KATNA1: variants seen among roughly 807,000 people sequenced by gnomAD.
The protein encoded by KATNA1 is katanin p60 ATPase-containing subunit A1.
Under a neutral mutation model 62.6 loss-of-function variants are expected in KATNA1, and 42 were observed. That is an observed-to-expected ratio of 0.67 (90% confidence interval 0.52 to 0.87). The LOEUF (loss-of-function observed/expected upper bound fraction) is 0.87, where lower values mean the gene tolerates loss of function less well. Among genes scored for constraint, KATNA1 ranks in the 40% least tolerant of loss-of-function variants. The probability of loss-of-function intolerance (pLI) is 0.00; values close to 1 mark genes in which losing one functional copy is unlikely to be tolerated. For synonymous variants in KATNA1, 186 were observed against 201.9 expected, an observed-to-expected ratio of 0.92 and a Z score of 0.67; for missense variants, 498 against 612.5, an observed-to-expected ratio of 0.81 and a Z score of 1.97.
At chr6:149,627,947 T>C (rs183442942) in intron 3 of KATNA1, among the ~76,000 whole-genome samples, 23 of 151,866 alleles carry the variant, frequency 1.5e-4, no homozygotes, top group African/African-American at 5.3e-4. Flanking sequence ...CCAGGTCTCA[T>C]AGGGCTTGAA....
intron 4 of KATNA1, among the ~76,000 whole-genome samples, chr6:149,619,544 C>T (rs969784389): frequency 6.0e-5 from 9 of 151,240 alleles, no homozygotes; most frequent in South Asian, 2.1e-4. Flanking sequence ...ACCTGAGAGG[C>T]GGAGGTTGTA....
intron 2 of KATNA1, among the ~76,000 whole-genome samples, chr6:149,637,466 G>A (rs115973254): frequency 5.9e-5 from 9 of 152,146 alleles, no homozygotes; most frequent in African/African-American, 1.9e-4. Flanking sequence ...TTCGACAATG[G>A]CTTAATAAAG....
chr6:149,616,980 G>A (rs903501528), intron 4 of KATNA1, among the ~76,000 whole-genome samples: 2 of 152,174 alleles, frequency 1.3e-5, no homozygotes, highest in Non-Finnish European at 2.9e-5. Context: ...CAGCCTTAAA[G>A]AGGAAGGAAA....
intron 2 of KATNA1, among the ~76,000 whole-genome samples, chr6:149,633,583 G>C (rs945969128): frequency 1.5e-5 from 1 of 68,188 alleles, no homozygotes; most frequent in Non-Finnish European, 3.5e-5. Context: ...AATACAAAAA[G>C]TTAGCCAGGC....
intron 4 of KATNA1, among the ~76,000 whole-genome samples, chr6:149,617,141 T>C (rs1287670198): frequency 6.6e-6 from 1 of 152,120 alleles, no homozygotes; most frequent in Non-Finnish European, 1.5e-5. Flanking sequence ...GTTACCAAGG[T>C]CTGGGATGAA....
At position 149,594,975 on chromosome 6, in the gene KATNA1, A is replaced by T. The variant is rs757962761; in HGVS notation, c.*61T>A. ...AAAAAATATAGCACTCAGTACAATG[A>T]ATTACTGCATTTAATATTCAAACAC... On this transcript the variant is annotated 3_prime_UTR_variant, in exon 11 of 11. Coordinates refer to ENST00000367411, the MANE Select transcript of KATNA1 (RefSeq NM_007044.4). The T allele has an allele frequency of 3.8e-6, 5 of 1,318,394 alleles. No homozygotes were observed. Among genetic ancestry groups the T allele is most frequent in the Non-Finnish European group, 5.4e-6 (5 of 920,894 alleles). 81.7% of individuals were successfully genotyped at this position (1,318,394 alleles called of 1,614,324 possible). A position where few individuals can be genotyped will look rare whatever the true frequency, so the allele number is the denominator to read the frequency against.
intron 1 of KATNA1, 141 bp from the exon 2 acceptor site, chr6:149,638,701 T>C (rs908096461): frequency 2.2e-6 from 1 of 447,160 alleles, no homozygotes; most frequent in Non-Finnish European, 3.9e-6. Flanking sequence ...TGTGTGCTCA[T>C]GCTATTTCAC....
At chr6:149,601,805 T>A in intron 6 of KATNA1, 53 bp from the exon 7 acceptor site, 6 of 1,389,712 alleles carry the variant, frequency 4.3e-6, no homozygotes, top group Non-Finnish European at 5.7e-6. Flanking sequence ...TTGTTCTAAT[T>A]CATAAAAGTG....
At chr6:149,608,841 G>A (rs1481463272) in intron 4 of KATNA1, among the ~76,000 whole-genome samples, 1 of 152,180 alleles carries the variant, frequency 6.6e-6, no homozygotes, top group Non-Finnish European at 1.5e-5. Context: ...CTAGGCAGGT[G>A]CCGACAGAGG....
intron 1 of KATNA1, among the ~76,000 whole-genome samples, chr6:149,638,868 T>G (rs1351658405): frequency 1.3e-5 from 2 of 150,890 alleles, no homozygotes; most frequent in Non-Finnish European, 2.9e-5. Flanking sequence ...TCCCAAGTAG[T>G]TGGGATTACA....
chr6:149,645,374 A>G (rs1230001564), intron 1 of KATNA1, among the ~76,000 whole-genome samples: 2 of 151,954 alleles, frequency 1.3e-5, no homozygotes, highest in South Asian at 2.1e-4. Flanking sequence ...ACCGGGAGGC[A>G]GAGCGTGCAA....
At chr6:149,628,331 G>A (rs11751110) in intron 3 of KATNA1, among the ~76,000 whole-genome samples, 39,579 of 145,700 alleles carry the variant, frequency 0.27, 6,996 homozygotes, top group Non-Finnish European at 0.4. Flanking sequence ...GAATGGTTTC[G>A]AACTCCCGAC....
chr6:149,642,193 G>T lies in KATNA1; in HGVS notation c.-13-3633C>A, dbSNP rs369625353. ...TGGGATTACAGGCATGAGCCTATGC[G>T]CCTGGCCGAGAGACCTCTTTTATTT... On this transcript the variant is annotated intron_variant, in intron 1 of 10. Coordinates refer to ENST00000367411, the MANE Select transcript of KATNA1 (RefSeq NM_007044.4). Among the ~76,000 whole-genome samples the T allele has an allele frequency of 7.9e-5, 12 of 152,300 alleles. No individual in the cohort carries two copies. In the East Asian group the frequency reaches 2.3e-3, roughly 29 times the overall value.
intron 4 of KATNA1, among the ~76,000 whole-genome samples, chr6:149,620,439 G>T (rs1162588703): frequency 6.6e-6 from 1 of 152,054 alleles, no homozygotes; most frequent in African/African-American, 2.4e-5. Context: ...TTACAGGTGT[G>T]TGCCACCACC....
intron 4 of KATNA1, among the ~76,000 whole-genome samples, chr6:149,612,474 A>G (rs980285185): frequency 8.5e-5 from 13 of 152,186 alleles, no homozygotes; most frequent in African/African-American, 2.7e-4. Context: ...GCGCCACTGC[A>G]CTCCAGCCTG....
chr6:149,594,974 G>T lies in KATNA1; in HGVS notation c.*62C>A. The T allele has an allele frequency of 7.6e-7, 1 of 1,309,184 alleles. No individual in the cohort carries two copies. The highest frequency in any genetic ancestry group is 1.1e-6 in the Non-Finnish European group (1 of 913,398). The allele number at this position is 1,309,184 out of a possible 1,614,324, so 81.1% of individuals were successfully genotyped here. A position where few individuals can be genotyped will look rare whatever the true frequency, so the allele number is the denominator to read the frequency against. The stretch of plus-strand genomic sequence containing the variant: ...AAAAAAATATAGCACTCAGTACAAT[G>T]AATTACTGCATTTAATATTCAAACA... On this transcript the variant is annotated 3_prime_UTR_variant, in exon 11 of 11. Coordinates refer to ENST00000367411, the MANE Select transcript of KATNA1 (RefSeq NM_007044.4).
At chr6:149,631,169 G>A (rs943356833) in intron 3 of KATNA1, among the ~76,000 whole-genome samples, 1 of 152,174 alleles carries the variant, frequency 6.6e-6, no homozygotes, top group Non-Finnish European at 1.5e-5. Flanking sequence ...GGAGGCCAAG[G>A]TGGGTGAATC....
At chr6:149,646,745 A>T (rs1780499968) in intron 1 of KATNA1, among the ~76,000 whole-genome samples, 1 of 152,246 alleles carries the variant, frequency 6.6e-6, no homozygotes, top group Non-Finnish European at 1.5e-5. Flanking sequence ...CTAAACAAAC[A>T]AATCAGTGAG....
At chr6:149,620,247 G>A (rs569225090) in intron 4 of KATNA1, among the ~76,000 whole-genome samples, 3 of 152,250 alleles carry the variant, frequency 2.0e-5, no homozygotes, top group African/African-American at 7.2e-5. Flanking sequence ...CAGCCAGATA[G>A]GTGGAATGAA....
Sources: gnomAD v4.1 joint callset for allele counts (sites outside exome capture counted in the v4.1 genomes callset) on GRCh38, gnomAD v4.1.1 for gene constraint, MANE v1.5 for transcripts, NCBI Gene and HGNC (gene_info 2026-07-23, HGNC 2026-07-21) for gene names.